The following CERS5 variants were observed in gnomAD, a reference collection of about 807,000 sequenced individuals.
CERS5 encodes the protein ceramide synthase 5, also known as LAG1 homolog, ceramide synthase 5.
CERS5 carries 37 observed loss-of-function variants against 58.9 expected under a neutral mutation model. The observed-to-expected ratio is 0.63, with a 90% CI of 0.48 to 0.83. The LOEUF is 0.83. Among genes scored for constraint, CERS5 ranks in the 40% least tolerant of loss-of-function variants. The probability of loss-of-function intolerance (pLI) is 0.00; values close to 1 mark genes in which losing one functional copy is unlikely to be tolerated. For synonymous variants in CERS5, 147 were observed against 177.8 expected (o/e 0.83, Z 1.38); for missense variants, 398 against 489.3 (o/e 0.81, Z 1.76).
At chr12:50,156,261 G>A (rs7486874) in intron 1 of CERS5, among the ~76,000 whole-genome samples, 47,030 of 148,368 alleles carry the variant, frequency 0.32, 8,312 homozygotes, top group East Asian at 0.76. Flanking sequence ...AAAATTAGCC[G>A]GGTGTGGCAG....
intron 1 of CERS5, among the ~76,000 whole-genome samples, chr12:50,148,259 C>T (rs1238668937): frequency 1.3e-5 from 2 of 151,818 alleles, no homozygotes; most frequent in Non-Finnish European, 2.9e-5. Flanking sequence ...GCTGTGATTG[C>T]GCCACTGCAC....
At chr12:50,131,481 C>A (rs761913779) in intron 9 of CERS5, among the ~76,000 whole-genome samples, 1 of 150,104 alleles carries the variant, frequency 6.7e-6, no homozygotes, top group South Asian at 2.1e-4. Flanking sequence ...ATCTCTTGAA[C>A]CCCGGAGGTG....
chr12:50,145,877 C>CGGTTT (rs1952243231), intron 1 of CERS5, among the ~76,000 whole-genome samples: 5 of 152,090 alleles, frequency 3.3e-5, no homozygotes, highest in Non-Finnish European at 7.4e-5. Context: ...TTAGTGAAAC[C>CGGTTT]CACTCTTGTT....
intron 9 of CERS5, chr12:50,134,285 G>A: frequency 1.6e-6 from 1 of 642,834 alleles, no homozygotes; most frequent in Non-Finnish European, 2.2e-6. Flanking sequence ...AGGCTGCAGT[G>A]GGAGAATCCA....
At chr12:50,163,825 A>T (rs1939569390) in intron 1 of CERS5, among the ~76,000 whole-genome samples, 1 of 151,128 alleles carries the variant, frequency 6.6e-6, no homozygotes, top group Admixed American at 6.6e-5. Context: ...GCTAATTTTT[A>T]AATTTTTTTG....
At chr12:50,166,156 C>G (rs954349311) in intron 1 of CERS5, 1 of 234,244 alleles carries the variant, frequency 4.3e-6, no homozygotes, top group Non-Finnish European at 8.7e-6. Context: ...AACCCCGTCT[C>G]TACTAAAAAT....
At chr12:50,133,551 A>C (rs748395872) in intron 9 of CERS5, 7 of 986,982 alleles carry the variant, frequency 7.1e-6, no homozygotes, top group Non-Finnish European at 8.4e-6. Flanking sequence ...GCAACTTAAC[A>C]ATCTGCTTTT....
chr12:50,153,269 A>ATTTTT (rs202197775), intron 1 of CERS5, among the ~76,000 whole-genome samples: 10,758 of 92,978 alleles, frequency 0.12, 2,890 homozygotes, highest in Non-Finnish European at 0.18. Context: ...AACTAATATG[A>ATTTTT]TTTTTTTTTT....
chr12:50,132,743 CAG>C (rs953035895), intron 9 of CERS5, among the ~76,000 whole-genome samples: 1 of 150,590 alleles, frequency 6.6e-6, no homozygotes, highest in African/African-American at 2.4e-5. Flanking sequence ...TTGAGGTAAA[CAG>C]AGACTCAAGA....
intron 1 of CERS5, 109 bp from the exon 2 acceptor site, chr12:50,144,166 T>C: frequency 1.5e-6 from 1 of 668,732 alleles, no homozygotes; most frequent in Non-Finnish European, 2.7e-6. Context: ...TTTCAATGCA[T>C]GTATACATAG....
At chr12:50,159,178 G>A (rs527776258) in intron 1 of CERS5, among the ~76,000 whole-genome samples, 3 of 152,138 alleles carry the variant, frequency 2.0e-5, no homozygotes, top group East Asian at 1.9e-4. Context: ...AAAATTAGCC[G>A]GGTGTGGTGG....
At chr12:50,162,732 T>G (rs773208105) in intron 1 of CERS5, among the ~76,000 whole-genome samples, 1 of 152,082 alleles carries the variant, frequency 6.6e-6, no homozygotes, top group African/African-American at 2.4e-5. Context: ...GCCTCCCAAG[T>G]AGCTGGGATT....
intron 6 of CERS5, 110 bp from the exon 7 acceptor site, chr12:50,136,179 A>G (rs1951688700): frequency 9.6e-7 from 1 of 1,037,348 alleles, no homozygotes; most frequent in Non-Finnish European, 1.3e-6. Flanking sequence ...CCCATATAGA[A>G]TAGTTTCCAT....
intron 1 of CERS5, among the ~76,000 whole-genome samples, chr12:50,148,239 G>T (rs771027241): frequency 6.6e-6 from 1 of 151,808 alleles, no homozygotes; most frequent in Non-Finnish European, 1.5e-5. Context: ...GGAGGTCGAG[G>T]CTGCAGTGGG....
chr12:50,137,840 A>C lies in CERS5; in HGVS notation c.544-20T>G. 1 of 1,511,158 alleles carries C rather than the reference A, an allele frequency of 6.6e-7. No homozygotes were observed. Among genetic ancestry groups the C allele is most frequent in the Non-Finnish European group, 9.2e-7 (1 of 1,088,402 alleles). The allele number at this position is 1,511,158 out of a possible 1,614,324, so 93.6% of individuals were successfully genotyped here. A position where few individuals can be genotyped will look rare whatever the true frequency, so the allele number is the denominator to read the frequency against. On this transcript the variant is annotated intron_variant, in intron 5 of 9. Transcript: ENST00000317551. ...AAGAGGCTGGAAGAGAGAAAGAAGT[A>C]GTTAGATTACCGGCTAGTCAAAGGT...
intron 1 of CERS5, 117 bp from the exon 2 acceptor site, chr12:50,144,174 T>A: frequency 3.4e-6 from 2 of 587,684 alleles, no homozygotes; most frequent in Admixed American, 5.1e-5. Context: ...CATGTATACA[T>A]AGTATAATGA....
At chr12:50,147,045 T>C (rs1270462010) in intron 1 of CERS5, among the ~76,000 whole-genome samples, 1 of 152,164 alleles carries the variant, frequency 6.6e-6, no homozygotes, top group Non-Finnish European at 1.5e-5. Context: ...TATTTGAAAT[T>C]ATAGCTTTTG....
chr12:50,133,353 G>C, intron 9 of CERS5: 1 of 1,054,222 alleles, frequency 9.5e-7, no homozygotes, highest in Non-Finnish European at 1.2e-6. Flanking sequence ...TTATCATTAA[G>C]TGGCACCTTT....
At chr12:50,141,096 G>C (rs1446453355) in intron 4 of CERS5, among the ~76,000 whole-genome samples, 3 of 152,114 alleles carry the variant, frequency 2.0e-5, no homozygotes, top group Non-Finnish European at 4.4e-5. Context: ...TGTCACCCAG[G>C]TTGGAATGTA....
Sources: gnomAD v4.1 joint callset for allele counts (sites outside exome capture counted in the v4.1 genomes callset) on GRCh38, gnomAD v4.1.1 for gene constraint, MANE v1.5 for transcripts, NCBI Gene and HGNC (gene_info 2026-07-23, HGNC 2026-07-21) for gene names.